The following NELL1 variants were observed in gnomAD, a reference collection of about 807,000 sequenced individuals.
NELL1 encodes protein kinase C-binding protein NELL1.
A neutral mutation model predicts 107.4 loss-of-function variants in NELL1; 76 were observed. That is an observed-to-expected ratio of 0.71 (90% CI 0.59 to 0.86). NELL1 has a LOEUF of 0.86. NELL1 is among the 40% of genes least tolerant of loss of function. NELL1 has a pLI of 0.00. For synonymous variants in NELL1, 353 were observed against 341.2 expected, an observed-to-expected ratio of 1.03 and a Z score of -0.38; for missense variants, 1,024 against 1,005.5, an observed-to-expected ratio of 1.02 and a Z score of -0.25.
chr11:20,978,237 G>T (rs2134240384), intron 12 of NELL1, among the ~76,000 whole-genome samples: 1 of 152,310 alleles, frequency 6.6e-6, no homozygotes, highest in East Asian at 1.9e-4. Flanking sequence ...GTTGACAAAA[G>T]ATGACAATGT....
intron 2 of NELL1, among the ~76,000 whole-genome samples, chr11:20,749,557 T>C (rs932917661): frequency 4.6e-5 from 7 of 152,162 alleles, no homozygotes; most frequent in African/African-American, 1.7e-4. Context: ...GCTGTGTTCA[T>C]GCCACCACGC....
chr11:20,806,028 C>T (rs1345846218), intron 3 of NELL1, among the ~76,000 whole-genome samples: 1 of 151,738 alleles, frequency 6.6e-6, no homozygotes, highest in Non-Finnish European at 1.5e-5. Flanking sequence ...GTTTACTGAC[C>T]ACAATTCCAA....
At chr11:20,808,155 C>G (rs887250909) in intron 3 of NELL1, among the ~76,000 whole-genome samples, 8 of 152,146 alleles carry the variant, frequency 5.3e-5, no homozygotes, top group African/African-American at 1.9e-4. Flanking sequence ...CTGGGTCATG[C>G]CTGAAGCCAG....
At chr11:21,112,768 C>T (rs909614684) in intron 12 of NELL1, among the ~76,000 whole-genome samples, 1 of 152,000 alleles carries the variant, frequency 6.6e-6, no homozygotes, top group South Asian at 2.1e-4. Flanking sequence ...AGAACCAGAA[C>T]TAGAGCTCAC....
At chr11:21,268,613 T>G (rs781232406) in intron 14 of NELL1, among the ~76,000 whole-genome samples, 18 of 152,190 alleles carry the variant, frequency 1.2e-4, no homozygotes, top group African/African-American at 3.6e-4. Context: ...AATTCATAGT[T>G]CAGAGGCACA....
chr11:21,384,166 C>T (rs375173859), intron 15 of NELL1, among the ~76,000 whole-genome samples: 1 of 152,028 alleles, frequency 6.6e-6, no homozygotes, highest in African/African-American at 2.4e-5. Flanking sequence ...ATCCTCCTTC[C>T]ACTGTTATGC....
At chr11:21,127,141 A>C (rs147959712) in intron 13 of NELL1, among the ~76,000 whole-genome samples, 1 of 152,326 alleles carries the variant, frequency 6.6e-6, no homozygotes, top group African/African-American at 2.4e-5. Context: ...GGACACAAGG[A>C]TGGAGTCTTT....
intron 2 of NELL1, among the ~76,000 whole-genome samples, chr11:20,686,993 G>T (rs1854320682): frequency 1.4e-5 from 2 of 140,904 alleles, no homozygotes; most frequent in Non-Finnish European, 3.1e-5. Flanking sequence ...GGAATCTCCT[G>T]TTTTCAGGAG....
At position 20,895,061 on chromosome 11, in the gene NELL1, G is replaced by A. The variant is rs995955009; in HGVS notation, c.603+9521G>A. Among the ~76,000 whole-genome samples, 3 of 143,068 alleles carry A rather than the reference G, an allele frequency of 2.1e-5. 1 individual carries two copies. Among genetic ancestry groups the A allele is most frequent in the African/African-American group, 8.8e-5 (3 of 33,932 alleles). The allele number at this position is 143,068 out of a possible 152,430, so 93.9% of individuals were successfully genotyped here. ...CCGAGGCGGGCGGATCACGAGGTCA[G>A]GAGATCGAGACCATCCCGGCTAAAA... On this transcript the variant is annotated intron_variant, in intron 5 of 19. Transcript: ENST00000357134.
At chr11:21,173,643 C>G (rs1054421523) in intron 13 of NELL1, among the ~76,000 whole-genome samples, 3 of 151,832 alleles carry the variant, frequency 2.0e-5, no homozygotes, top group African/African-American at 7.3e-5. Flanking sequence ...CAAGAAGAGG[C>G]AAGCACATGA....
intron 13 of NELL1, among the ~76,000 whole-genome samples, chr11:21,164,015 G>T (rs568101490): frequency 2.6e-5 from 4 of 152,208 alleles, no homozygotes; most frequent in Non-Finnish European, 5.9e-5. Context: ...TGCCCATAGA[G>T]AAAAAAGTCA....
chr11:20,706,335 G>T (rs1209202297), intron 2 of NELL1, among the ~76,000 whole-genome samples: 5 of 152,198 alleles, frequency 3.3e-5, no homozygotes, highest in African/African-American at 1.2e-4. Flanking sequence ...ATACTATGCA[G>T]CCATAAAAAA....
intron 13 of NELL1, among the ~76,000 whole-genome samples, chr11:21,136,798 A>C (rs1855753821): frequency 6.6e-6 from 1 of 152,136 alleles, no homozygotes. Context: ...TTTAGAGTAC[A>C]AGACTATTGT....
At chr11:21,210,463 G>C (rs1057371838) in intron 13 of NELL1, among the ~76,000 whole-genome samples, 1 of 152,044 alleles carries the variant, frequency 6.6e-6, no homozygotes, top group African/African-American at 2.4e-5. Flanking sequence ...CTTTGCATTA[G>C]ATTTCCCTAA....
rs565370742 is a variant in NELL1, at chr11:21,176,933, G to C, written c.1427-52399G>C. Among the ~76,000 whole-genome samples, 149 of 151,598 alleles carry C rather than the reference G, an allele frequency of 9.8e-4. 5 individuals carry two copies. Among genetic ancestry groups the C allele is most frequent in the African/African-American group, 3.6e-3 (146 of 41,064 alleles). On this transcript the variant is annotated intron_variant, in intron 13 of 19. Coordinates refer to ENST00000357134, the MANE Select transcript of NELL1 (RefSeq NM_006157.5). ...TTAAGGAGTGATAACATGTTATTTG[G>C]TCAAGTCGAGTTCTTCAGTTTTTTT...
chr11:20,846,494 A>G (rs1237087583), intron 3 of NELL1, among the ~76,000 whole-genome samples: 1 of 152,150 alleles, frequency 6.6e-6, no homozygotes, highest in Non-Finnish European at 1.5e-5. Context: ...TGTCTAGGCT[A>G]ATCGCTCTGG....
intron 10 of NELL1, among the ~76,000 whole-genome samples, chr11:20,941,505 T>A (rs1850854784): frequency 6.6e-6 from 1 of 152,094 alleles, no homozygotes; most frequent in Admixed American, 6.6e-5. Context: ...AGAACATAAC[T>A]TGAGATTATT....
intron 13 of NELL1, among the ~76,000 whole-genome samples, chr11:21,121,660 A>T (rs551585228): frequency 6.6e-6 from 1 of 152,238 alleles, no homozygotes; most frequent in African/African-American, 2.4e-5. Context: ...GAAGAATAGG[A>T]GCTCACAACC....
intron 12 of NELL1, among the ~76,000 whole-genome samples, chr11:21,102,644 A>AT (rs1854849896): frequency 6.6e-6 from 1 of 152,298 alleles, no homozygotes; most frequent in South Asian, 2.1e-4. Flanking sequence ...ACCTGTTGTT[A>AT]TTTTTAACAG....
Sources: gnomAD v4.1 joint callset for allele counts (sites outside exome capture counted in the v4.1 genomes callset) on GRCh38, gnomAD v4.1.1 for gene constraint, MANE v1.5 for transcripts, NCBI Gene and HGNC (gene_info 2026-07-23, HGNC 2026-07-21) for gene names.